Variants in PLAC8 observed in about 807,000 individuals in gnomAD.
PLAC8 encodes placenta-specific gene 8 protein.
A neutral mutation model predicts 12.6 loss-of-function variants in PLAC8; 6 were observed. That is an observed-to-expected ratio of 0.48 (90% confidence interval 0.26 to 0.94). PLAC8 has a LOEUF of 0.94. PLAC8 is among the 40% of genes least tolerant of loss of function. The pLI, the probability that PLAC8 is intolerant of heterozygous loss-of-function variation, is 0.14. For missense variants in PLAC8, 122 were observed against 152.7 expected (o/e 0.80, Z 1.06); for synonymous variants, 54 against 52.6 (o/e 1.03, Z -0.11).
chr4:83,102,779 T>A (rs1023631796), intron 3 of PLAC8, among the ~76,000 whole-genome samples: 9 of 152,210 alleles, frequency 5.9e-5, no homozygotes, highest in Non-Finnish European at 1.3e-4. Flanking sequence ...CTACTTCTTA[T>A]GGATGAGCAA....
chr4:83,103,699 C>T (rs1320573217), intron 3 of PLAC8, among the ~76,000 whole-genome samples: 1 of 152,108 alleles, frequency 6.6e-6, no homozygotes, highest in African/African-American at 2.4e-5. Context: ...GAGATGGAGT[C>T]TTGCTCTGTT....
intron 2 of PLAC8, among the ~76,000 whole-genome samples, chr4:83,106,735 G>A (rs1289002502): frequency 6.6e-6 from 1 of 152,140 alleles, no homozygotes; most frequent in Non-Finnish European, 1.5e-5. Flanking sequence ...ACCAAGACAA[G>A]CAAATAGACT....
intron 3 of PLAC8, among the ~76,000 whole-genome samples, chr4:83,096,940 G>C (rs1313048162): frequency 1.3e-5 from 2 of 152,148 alleles, no homozygotes; most frequent in Admixed American, 6.5e-5. Context: ...ATTGGCTTTG[G>C]GTTGCTTTGC....
intron 2 of PLAC8, among the ~76,000 whole-genome samples, chr4:83,105,933 A>G (rs1202960970): frequency 6.6e-6 from 1 of 152,074 alleles, no homozygotes; most frequent in African/African-American, 2.4e-5. Context: ...AACCAACACA[A>G]TTGTTTCATT....
chr4:83,108,318 C>A (rs985217664), intron 1 of PLAC8, among the ~76,000 whole-genome samples: 9 of 152,202 alleles, frequency 5.9e-5, no homozygotes, highest in Non-Finnish European at 8.8e-5. Flanking sequence ...CTGGGCCGGG[C>A]GCGGTGACTC....
chr4:83,097,951 C>T (rs547899770), intron 3 of PLAC8, among the ~76,000 whole-genome samples: 3 of 151,632 alleles, frequency 2.0e-5, no homozygotes, highest in South Asian at 2.1e-4. Context: ...CTCCGCCTCC[C>T]GGGTTCAAGT....
Position 83,104,990 on chromosome 4 carries a change from A to T in PLAC8, c.149T>A (p.Leu50His). ...CLCGTFCFPC[L>H]GCQVAADMNE... ...CATATCAGCTGCAACTTGACACCCAAGGCACGGGAAACAAAATGTGCCACA... is the reference window on the plus strand; with the variant it reads ...CATATCAGCTGCAACTTGACACCCATGGCACGGGAAACAAAATGTGCCACA... Residue 50 changes from leucine to histidine, a missense_variant, in exon 3 of 5, where the codon CTT becomes CAT. Leu to His is a moderately conservative substitution (Grantham distance 99). Coordinates refer to ENST00000311507, the MANE Select transcript of PLAC8 (RefSeq NM_016619.3). 1 of 1,614,144 alleles carries T rather than the reference A, an allele frequency of 6.2e-7. No individual in the cohort carries two copies. Among genetic ancestry groups the T allele is most frequent in the Non-Finnish European group, 8.5e-7 (1 of 1,180,020 alleles).
At chr4:83,111,446 C>T (rs1052549390) in intron 1 of PLAC8, among the ~76,000 whole-genome samples, 2 of 151,516 alleles carry the variant, frequency 1.3e-5, no homozygotes, top group Non-Finnish European at 2.9e-5. Context: ...GCAGGTGGAT[C>T]CTCGGTGACA....
At chr4:83,114,577 A>C (rs1578748919) in intron 1 of PLAC8, 89 bp downstream of exon 1, 3 of 152,352 alleles carry the variant, frequency 2.0e-5, no homozygotes, top group Admixed American at 2.0e-4. Context: ...GCTAAGAAAA[A>C]AACAAGAAAA....
chr4:83,098,249 T>C (rs1731993938), intron 3 of PLAC8, among the ~76,000 whole-genome samples: 1 of 152,206 alleles, frequency 6.6e-6, no homozygotes, highest in African/African-American at 2.4e-5. Context: ...GGGTTGATCT[T>C]GTAAAAAATT....
chr4:83,098,233 T>C (rs1312153923), intron 3 of PLAC8, among the ~76,000 whole-genome samples: 1 of 152,190 alleles, frequency 6.6e-6, no homozygotes, highest in Non-Finnish European at 1.5e-5. Context: ...GAAAAGGGTT[T>C]GTAAAGGGTT....
intron 3 of PLAC8, among the ~76,000 whole-genome samples, chr4:83,099,677 G>C (rs1034406989): frequency 1.3e-5 from 2 of 151,974 alleles, no homozygotes; most frequent in Admixed American, 1.3e-4. Context: ...TAGTGCGTGA[G>C]TTCTCGTGAG....
intron 3 of PLAC8, among the ~76,000 whole-genome samples, chr4:83,100,457 C>A (rs1373920333): frequency 6.6e-6 from 1 of 151,790 alleles, no homozygotes; most frequent in Non-Finnish European, 1.5e-5. Context: ...AATTAAACCT[C>A]TTTTCTTTAT....
chr4:83,111,336 C>T (rs1262499521), intron 1 of PLAC8, among the ~76,000 whole-genome samples: 1 of 151,756 alleles, frequency 6.6e-6, no homozygotes, highest in Non-Finnish European at 1.5e-5. Flanking sequence ...TTTTCAGAAA[C>T]AAAAAGCAAA....
chr4:83,107,311 A>T (rs1732272516), intron 2 of PLAC8, among the ~76,000 whole-genome samples: 1 of 152,076 alleles, frequency 6.6e-6, no homozygotes, highest in Middle Eastern at 3.2e-3. Flanking sequence ...GTGTGTAAAA[A>T]ACCTAAATAT....
intron 3 of PLAC8, among the ~76,000 whole-genome samples, chr4:83,101,854 G>A (rs1200549118): frequency 6.6e-6 from 1 of 152,098 alleles, no homozygotes; most frequent in Non-Finnish European, 1.5e-5. Context: ...AAATCTGCCT[G>A]TGCTCTATAA....
chr4:83,112,002 C>G (rs889856191), intron 1 of PLAC8, among the ~76,000 whole-genome samples: 6 of 151,844 alleles, frequency 4.0e-5, no homozygotes, highest in African/African-American at 1.5e-4. Context: ...TGGAGAAACC[C>G]TGTCTCTACT....
intron 3 of PLAC8, among the ~76,000 whole-genome samples, chr4:83,097,792 A>G (rs1053342466): frequency 6.6e-6 from 1 of 152,086 alleles, no homozygotes; most frequent in African/African-American, 2.4e-5. Context: ...GTTTTTGGTA[A>G]AAGATTATAA....
At chr4:83,106,714 G>A (rs1371484052) in intron 2 of PLAC8, among the ~76,000 whole-genome samples, 1 of 152,134 alleles carries the variant, frequency 6.6e-6, no homozygotes, top group Non-Finnish European at 1.5e-5. Context: ...TTGCCTTAGA[G>A]TACTATGTGG....
Sources: allele counts gnomAD v4.1 joint callset (sites outside exome capture counted in the v4.1 genomes callset), GRCh38; gene constraint gnomAD v4.1.1; transcripts MANE v1.5; gene names NCBI Gene and HGNC (gene_info 2026-07-23, HGNC 2026-07-21).